ATP10D: variants seen among roughly 807,000 people sequenced by gnomAD.
ATP10D encodes ATPase phospholipid transporting 10D (putative).
ATP10D carries 89 observed loss-of-function variants against 144.8 expected under a neutral mutation model. The observed-to-expected ratio is 0.61, with a 90% CI of 0.52 to 0.73. ATP10D has a LOEUF of 0.73. Ranked by LOEUF, ATP10D falls within the 30% of genes least tolerant of loss-of-function variation. The pLI is 0.00. For missense variants in ATP10D, 1,603 were observed against 1,714.8 expected (o/e 0.93, Z 1.15); for synonymous variants, 571 against 615.1 (o/e 0.93, Z 1.06).
At chr4:47,580,342 C>A in intron 19 of ATP10D, 56 bp from the exon 20 acceptor site, 5 of 1,360,800 alleles carry the variant, frequency 3.7e-6, no homozygotes, top group Non-Finnish European at 5.2e-6. Flanking sequence ...TGTGTTGTTT[C>A]TTTTCTTGGA....
Position 47,591,158 on chromosome 4 carries a change from C to A in ATP10D, c.4058C>A (p.Ala1353Asp). 1 of 1,613,542 alleles carries A rather than the reference C, an allele frequency of 6.2e-7. No individual in the cohort carries two copies. The highest frequency in any genetic ancestry group is 1.1e-5 in the South Asian group (1 of 91,060). ...RTKALKKWRG[A>D]GKMNQVTSKY... ...AAAGCTCTCAAGAAGTGGAGAGGGG[C>A]TGGAAAGATGAATCAAGTGACATCA... is the stretch of plus-strand genomic sequence containing the variant. Residue 1353 changes from alanine to aspartate, a missense_variant, in exon 23 of 23, where the codon GCT becomes GAT. Ala to Asp is a moderately radical substitution (Grantham distance 126). Transcript: ENST00000273859.
chr4:47,554,414 C>G (rs975682868), intron 10 of ATP10D, among the ~76,000 whole-genome samples: 1 of 152,104 alleles, frequency 6.6e-6, no homozygotes, highest in Non-Finnish European at 1.5e-5. Context: ...AAATCTACCT[C>G]TGCTATTATG....
intron 1 of ATP10D, among the ~76,000 whole-genome samples, chr4:47,489,684 A>G (rs535067533): frequency 5.3e-4 from 81 of 152,282 alleles, no homozygotes; most frequent in Non-Finnish European, 9.6e-4. Flanking sequence ...GTTAGGTATC[A>G]TTATTTCTGA....
intron 14 of ATP10D, among the ~76,000 whole-genome samples, chr4:47,563,139 G>A (rs1051353794): frequency 6.6e-6 from 1 of 152,118 alleles, no homozygotes; most frequent in African/African-American, 2.4e-5. Context: ...CTATTTGCAT[G>A]ATGGTTACAC....
At chr4:47,510,944 T>G (rs1340608966) in intron 1 of ATP10D, among the ~76,000 whole-genome samples, 1 of 152,244 alleles carries the variant, frequency 6.6e-6, no homozygotes, top group Non-Finnish European at 1.5e-5. Context: ...ATGTGCATTA[T>G]GTGAAACTAA....
At chr4:47,524,083 T>C (rs920121030) in intron 4 of ATP10D, among the ~76,000 whole-genome samples, 1 of 152,074 alleles carries the variant, frequency 6.6e-6, no homozygotes, top group Non-Finnish European at 1.5e-5. Context: ...CGTGCCACCA[T>C]GCCCGGCTAA....
At chr4:47,577,986 G>A (rs1720321546) in intron 19 of ATP10D, among the ~76,000 whole-genome samples, 1 of 152,166 alleles carries the variant, frequency 6.6e-6, no homozygotes, top group Non-Finnish European at 1.5e-5. Flanking sequence ...TATAGCCTGT[G>A]TTTTAAAAGC....
Position 47,557,669 on chromosome 4 carries a change from A to C in ATP10D, c.1830A>C (p.Arg610Ser). 6.2e-7 allele frequency: 1 copy of C among 1,606,240 alleles called. No homozygotes were observed. ...SAPNQPRQKI[R>S]HPSLGGLPIK... ...TTCTAAATTGTCTTTCATAGATCAG[A>C]CACCCTTCACTGGGGGGGTTGCCCA... The change falls in exon 12 of 23, where the codon AGA (arginine) becomes AGC (serine). Residue 610 changes from arginine to serine, a missense_variant. By Grantham distance (110) the Arg-to-Ser change is moderately radical. Transcript: ENST00000273859.
rs778373594 is a variant in ATP10D at position 47,512,791 on chromosome 4, T to C, written c.251T>C (p.Leu84Pro). 1.6e-5 allele frequency: 26 copies of C among 1,604,060 alleles called. No individual in the cohort carries two copies. The highest frequency in any genetic ancestry group is 8.5e-7 in the Non-Finnish European group (1 of 1,171,944). The part of the protein sequence containing the change: ...NRIRTTKYTL[L>P]NFVPRNLFEQ... The stretch of plus-strand genomic sequence containing the variant: ...ATACGAACAACAAAGTACACACTTC[T>C]GAATTTTGTGCCAAGAAATTTATTT... Residue 84 changes from leucine to proline, a missense_variant, in exon 2 of 23, where the codon CTG becomes CCG. By Grantham distance (98) the Leu-to-Pro change is moderately conservative. Transcript: ENST00000273859.
At chr4:47,539,463 A>G (rs1460758258) in intron 9 of ATP10D, among the ~76,000 whole-genome samples, 1 of 152,164 alleles carries the variant, frequency 6.6e-6, no homozygotes, top group African/African-American at 2.4e-5. Flanking sequence ...TAGCATTTTA[A>G]TGCACTTTTG....
intron 9 of ATP10D, among the ~76,000 whole-genome samples, chr4:47,544,588 C>T (rs924797987): frequency 2.0e-5 from 3 of 152,130 alleles, no homozygotes; most frequent in Non-Finnish European, 4.4e-5. Flanking sequence ...GAATCCAAAT[C>T]GTTCATTCTG....
rs951143810 is a variant in ATP10D at position 47,523,112 on chromosome 4, C to T, written c.586C>T (p.Leu196Phe). The T allele has an allele frequency of 5.6e-6, 9 of 1,613,900 alleles. No individual in the cohort carries two copies. In the Admixed American group the frequency reaches 1.0e-4, roughly 18 times the overall value. Residue 196 changes from leucine to phenylalanine, a missense_variant, in exon 4 of 23, where the codon CTC becomes TTC. Physicochemically the swap from Leu to Phe is conservative, Grantham distance 22 (BLOSUM62 0). Coordinates refer to ENST00000273859, the MANE Select transcript of ATP10D (RefSeq NM_020453.4). ...GGTCATCCCTGCAGACATGGTACTA[C>T]TCTTTTCCACTGATCCAGATGGAAT... ...NEVIPADMVL[L>F]FSTDPDGICH... is the part of the protein sequence containing the mutation.
At chr4:47,564,630 A>T (rs143905860) in intron 15 of ATP10D, among the ~76,000 whole-genome samples, 1,830 of 152,256 alleles carry the variant, frequency 0.012, 12 homozygotes, top group Non-Finnish European at 0.018. Context: ...CATTTTTTAA[A>T]AAAGAAGGAA....
At chr4:47,565,432 T>A (rs1719574235) in intron 15 of ATP10D, among the ~76,000 whole-genome samples, 1 of 152,180 alleles carries the variant, frequency 6.6e-6, no homozygotes, top group African/African-American at 2.4e-5. Flanking sequence ...AAATGCTTAG[T>A]CATTTCAGTC....
chr4:47,572,034 A>G, intron 16 of ATP10D, 120 bp from the exon 17 acceptor site: 1 of 893,176 alleles, frequency 1.1e-6, no homozygotes, highest in Non-Finnish European at 1.8e-6. Context: ...GGAAACTTGG[A>G]GAACGGGATG....
rs1370225064 is a variant in ATP10D, at chr4:47,535,675, T to C, written c.883+60T>C. 1.5e-5 allele frequency: 23 copies of C among 1,514,002 alleles called. No individual in the cohort carries two copies. In the East Asian group the frequency reaches 5.3e-4, roughly 35 times the overall value. 93.8% of individuals were successfully genotyped at this position (1,514,002 alleles called of 1,614,324 possible). On this transcript the variant is annotated intron_variant, in intron 6 of 22. Coordinates refer to ENST00000273859, the MANE Select transcript of ATP10D (RefSeq NM_020453.4). ...GTGCTTTTCTACAAGTTAACATTTT[T>C]CATTTACTCAAAAATGCAATCTGTT...
intron 1 of ATP10D, among the ~76,000 whole-genome samples, chr4:47,495,026 C>A (rs887179330): frequency 1.3e-5 from 2 of 152,052 alleles, no homozygotes; most frequent in African/African-American, 4.8e-5. Flanking sequence ...AAACAAGAAA[C>A]AAAAACCCCA....
At chr4:47,544,987 A>G (rs900901629) in intron 9 of ATP10D, among the ~76,000 whole-genome samples, 1 of 152,202 alleles carries the variant, frequency 6.6e-6, no homozygotes. Flanking sequence ...CAAGAAAAAA[A>G]TTAGCGATAA....
At chr4:47,528,823 T>C (rs1690573091) in intron 5 of ATP10D, among the ~76,000 whole-genome samples, 1 of 152,072 alleles carries the variant, frequency 6.6e-6, no homozygotes, top group Non-Finnish European at 1.5e-5. Context: ...CATCTGTTAT[T>C]TTTTTACTTT....
Sources: gnomAD v4.1 joint callset for allele counts (sites outside exome capture counted in the v4.1 genomes callset) on GRCh38, gnomAD v4.1.1 for gene constraint, MANE v1.5 for transcripts, NCBI Gene and HGNC (gene_info 2026-07-23, HGNC 2026-07-21) for gene names.